The following SHISA9 variants were observed in gnomAD, a reference collection of about 807,000 sequenced individuals.
SHISA9 encodes shisa family member 9, also known as protein shisa-9.
A neutral mutation model predicts 38.0 loss-of-function variants in SHISA9; 13 were observed. The ratio of observed to expected loss-of-function variants is 0.34; its 90% CI spans 0.22 to 0.54. SHISA9 has a LOEUF of 0.54. Among genes scored for constraint, SHISA9 ranks in the 20% least tolerant of loss-of-function variants. The pLI, the probability that SHISA9 is intolerant of heterozygous loss-of-function variation, is 0.91. For synonymous variants in SHISA9, 275 were observed against 242.0 expected, an observed-to-expected ratio of 1.14 and a Z score of -1.27; for missense variants, 538 against 575.8, an observed-to-expected ratio of 0.93 and a Z score of 0.67.
At chr16:12,938,438 T>A (rs1252597702) in intron 2 of SHISA9, among the ~76,000 whole-genome samples, 1 of 152,222 alleles carries the variant, frequency 6.6e-6, no homozygotes, top group East Asian at 1.9e-4. Flanking sequence ...ATGTGCTCAA[T>A]TCTGTTCTCT....
chr16:13,166,373 T>A (rs992746357), intron 2 of SHISA9, among the ~76,000 whole-genome samples: 11 of 152,238 alleles, frequency 7.2e-5, no homozygotes, highest in African/African-American at 2.7e-4. Context: ...TCAGTTCATG[T>A]TACTCACCAC....
intron 2 of SHISA9, among the ~76,000 whole-genome samples, chr16:13,032,007 T>G (rs920861910): frequency 1.5e-4 from 23 of 152,104 alleles, no homozygotes; most frequent in Non-Finnish European, 7.4e-5. Flanking sequence ...CTTTCAACTT[T>G]TTTTTTTTTC....
the SHISA9 span, among the ~76,000 whole-genome samples, chr16:13,261,515 C>A: frequency 1.3e-5 from 2 of 152,154 alleles, no homozygotes; most frequent in Admixed American, 1.3e-4. Flanking sequence ...TTCCACAGCA[C>A]CCCCACCAGC....
intron 2 of SHISA9, among the ~76,000 whole-genome samples, chr16:13,050,624 G>A (rs999905618): frequency 2.6e-5 from 4 of 152,230 alleles, no homozygotes; most frequent in Non-Finnish European, 4.4e-5. Context: ...GAGCCACCAC[G>A]CCCAGCCATT....
intron 2 of SHISA9, among the ~76,000 whole-genome samples, chr16:12,971,215 C>T (rs1469554680): frequency 6.6e-6 from 1 of 152,168 alleles, no homozygotes; most frequent in Non-Finnish European, 1.5e-5. Context: ...CTGCCCTTAT[C>T]CCCCCTCCAA....
At chr16:12,909,859 C>CTTCCTTCT (rs150070757) in intron 1 of SHISA9, 22,271 of 151,326 alleles carry the variant, frequency 0.15, 1,741 homozygotes, top group South Asian at 0.28. Flanking sequence ...TCCTTCCTTC[C>CTTCCTTCT]TTCCTTCCTT....
At chr16:13,256,998 C>T in the SHISA9 span, among the ~76,000 whole-genome samples, 2 of 152,320 alleles carry the variant, frequency 1.3e-5, no homozygotes, top group East Asian at 3.9e-4. Flanking sequence ...ATGCCAACCT[C>T]TGGTGCCCTT....
chr16:13,299,525 C>A, the SHISA9 span, among the ~76,000 whole-genome samples: 1 of 151,958 alleles, frequency 6.6e-6, no homozygotes, highest in Non-Finnish European at 1.5e-5. Flanking sequence ...ACCAGCCTGG[C>A]CAACATGGTG....
intron 2 of SHISA9, among the ~76,000 whole-genome samples, chr16:12,986,817 A>C (rs1168793059): frequency 6.6e-6 from 1 of 152,242 alleles, no homozygotes; most frequent in Admixed American, 6.5e-5. Flanking sequence ...AGATGAAAAT[A>C]CTGAGGCTTA....
At chr16:13,246,684 C>CT in the SHISA9 span, among the ~76,000 whole-genome samples, 1 of 152,104 alleles carries the variant, frequency 6.6e-6, no homozygotes, top group Non-Finnish European at 1.5e-5. Flanking sequence ...CAGTAACTTC[C>CT]TTTACCACCA....
chr16:13,243,403 A>G (rs1418767359), downstream of SHISA9, among the ~76,000 whole-genome samples: 1 of 152,114 alleles, frequency 6.6e-6, no homozygotes, highest in Non-Finnish European at 1.5e-5. Context: ...ACATTTAAGA[A>G]ATATATTGGT....
chr16:12,991,375 T>C (rs1421851511), intron 2 of SHISA9, among the ~76,000 whole-genome samples: 3 of 152,196 alleles, frequency 2.0e-5, no homozygotes, highest in Admixed American at 6.5e-5. Context: ...ATTGTTAATA[T>C]TTTGGAGCCT....
At chr16:13,369,895 A>C in the SHISA9 span, among the ~76,000 whole-genome samples, 1 of 152,138 alleles carries the variant, frequency 6.6e-6, no homozygotes, top group Non-Finnish European at 1.5e-5. Flanking sequence ...CAATTGAATC[A>C]GTAGTATCTC....
chr16:13,236,873 G>A lies in SHISA9; in HGVS notation c.*1464G>A, dbSNP rs1198735757. ...AATTACCTCCCCACATACTTCATGT[G>A]TTCATCTCCCATCCAGAATGTCCTG... is the stretch of plus-strand genomic sequence containing the variant. On this transcript the variant is annotated 3_prime_UTR_variant, in exon 5 of 5. Coordinates refer to ENST00000558583, the MANE Select transcript of SHISA9 (RefSeq NM_001145204.3). 2 of 152,104 alleles carry A rather than the reference G, an allele frequency of 1.3e-5. No individual in the cohort carries two copies. The highest frequency in any genetic ancestry group is 4.8e-5 in the African/African-American group (2 of 41,388). 9.4% of individuals were successfully genotyped at this position (152,104 alleles called of 1,614,324 possible).
rs376739287 is a variant in SHISA9, at chr16:12,913,698, GA to G, written c.564-2988del. 5.1e-4 allele frequency among the ~76,000 whole-genome samples: 78 copies of G among 152,256 alleles called. No homozygotes were observed. In the South Asian group the frequency reaches 0.015, roughly 30 times the overall value. On this transcript the variant is annotated intron_variant, in intron 1 of 4. Transcript: ENST00000558583. ...CCTCACTGTGTCCCCTGGCAACCAT[GA>G]ATCTACTTTCCATCTTTATGGATTT... is the stretch of plus-strand genomic sequence containing the variant.
chr16:13,280,528 GT>G, the SHISA9 span, among the ~76,000 whole-genome samples: 7 of 151,790 alleles, frequency 4.6e-5, no homozygotes, highest in Admixed American at 1.3e-4. Flanking sequence ...ATTTTAAGAA[GT>G]TTTTGAGTCC....
intron 2 of SHISA9, among the ~76,000 whole-genome samples, chr16:13,006,060 G>A (rs542597101): frequency 3.9e-5 from 6 of 152,264 alleles, no homozygotes; most frequent in African/African-American, 1.4e-4. Flanking sequence ...TGAAGCATGC[G>A]CGCACGCACA....
At chr16:13,331,471 CATG>C in the SHISA9 span, 1 of 151,506 alleles carries the variant, frequency 6.6e-6, no homozygotes. Flanking sequence ...ATATACCAAA[CATG>C]ATAATTTTAT....
chr16:12,991,898 A>T (rs1319086571), intron 2 of SHISA9, among the ~76,000 whole-genome samples: 1 of 152,170 alleles, frequency 6.6e-6, no homozygotes, highest in Non-Finnish European at 1.5e-5. Context: ...TCCTTAGCTT[A>T]TCCATCCGAT....
Sources: gnomAD v4.1 joint callset for allele counts (sites outside exome capture counted in the v4.1 genomes callset) on GRCh38, gnomAD v4.1.1 for gene constraint, MANE v1.5 for transcripts, NCBI Gene and HGNC (gene_info 2026-07-23, HGNC 2026-07-21) for gene names.